The following TMEM184B variants were observed in gnomAD, a reference collection of about 807,000 sequenced individuals.
TMEM184B encodes transmembrane protein 184B.
Under a neutral mutation model 41.8 loss-of-function variants are expected in TMEM184B, and 17 were observed. The ratio of observed to expected loss-of-function variants is 0.41; its 90% CI spans 0.28 to 0.61. The LOEUF (loss-of-function observed/expected upper bound fraction) is 0.61, where lower values mean the gene tolerates loss of function less well. TMEM184B is among the 20% of genes least tolerant of loss of function. The pLI is 0.34. For synonymous variants in TMEM184B, 240 were observed against 229.5 expected, an observed-to-expected ratio of 1.05 and a Z score of -0.41; for missense variants, 393 against 557.8, an observed-to-expected ratio of 0.70 and a Z score of 2.98.
At chr22:38,250,222 C>T (rs1249121716) in intron 1 of TMEM184B, among the ~76,000 whole-genome samples, 9 of 152,378 alleles carry the variant, frequency 5.9e-5, no homozygotes, top group South Asian at 2.1e-4. Flanking sequence ...ATCCTGCGCC[C>T]GCTGTCTGTC....
intron 1 of TMEM184B, among the ~76,000 whole-genome samples, chr22:38,261,651 G>A (rs941291339): frequency 1.3e-5 from 2 of 152,142 alleles, no homozygotes; most frequent in African/African-American, 2.4e-5. Context: ...ATGGACCAAC[G>A]CTCAGCCTCT....
At chr22:38,252,938 C>A (rs1357852189) in intron 1 of TMEM184B, among the ~76,000 whole-genome samples, 2 of 151,458 alleles carry the variant, frequency 1.3e-5, no homozygotes, top group Non-Finnish European at 2.9e-5. Flanking sequence ...GTCAGGAGAT[C>A]GAGACCAACC....
At position 38,240,732 on chromosome 22, in the gene TMEM184B, C is replaced by CAAAA. The variant is rs550793359; in HGVS notation, c.358+5199_358+5202dup. On this transcript the variant is annotated intron_variant, in intron 3 of 8. Coordinates refer to ENST00000361906, the MANE Select transcript of TMEM184B (RefSeq NM_012264.5). ...AAGAGGAGAGGGGGGGAAAAAAAGG[C>CAAAA]AAAAAAAAAAAAAAAAAAAAAAAGC... is the stretch of plus-strand genomic sequence containing the variant. Among the ~76,000 whole-genome samples the CAAAA allele has an allele frequency of 2.0e-3, 133 of 66,554 alleles. 1 individual carries two copies. Among genetic ancestry groups the CAAAA allele is most frequent in the African/African-American group, 7.3e-3 (119 of 16,408 alleles). The allele number at this position is 66,554 out of a possible 152,430, so 43.7% of individuals were successfully genotyped here. A position where few individuals can be genotyped will look rare whatever the true frequency, so the allele number is the denominator to read the frequency against.
At chr22:38,221,769 G>A in intron 8 of TMEM184B, 59 bp from the exon 9 acceptor site, 3 of 1,589,756 alleles carry the variant, frequency 1.9e-6, no homozygotes, top group Non-Finnish European at 2.6e-6. Flanking sequence ...GAGGGAGGTG[G>A]CTCAGCCCCT....
intron 1 of TMEM184B, among the ~76,000 whole-genome samples, chr22:38,255,377 T>C (rs1198022200): frequency 2.6e-5 from 4 of 152,096 alleles, no homozygotes; most frequent in Admixed American, 2.6e-4. Context: ...TTTCACCATA[T>C]TGGCCAGGCT....
chr22:38,227,498 C>T (rs2091480388), intron 5 of TMEM184B, among the ~76,000 whole-genome samples: 1 of 152,138 alleles, frequency 6.6e-6, no homozygotes, highest in African/African-American at 2.4e-5. Context: ...GGCCTCCTCC[C>T]ATCCTCCATG....
chr22:38,223,948 C>T (rs1313297160), intron 8 of TMEM184B: 2 of 152,232 alleles, frequency 1.3e-5, no homozygotes, highest in Non-Finnish European at 2.9e-5. Flanking sequence ...GCGGGATCTC[C>T]GAGGGTGGGG....
intron 1 of TMEM184B, among the ~76,000 whole-genome samples, chr22:38,255,506 T>C (rs1602471923): frequency 6.6e-6 from 1 of 152,242 alleles, no homozygotes. Context: ...ATGCATTTAC[T>C]ACACAACCCA....
At chr22:38,262,169 C>A (rs1044103281) in intron 1 of TMEM184B, among the ~76,000 whole-genome samples, 1 of 152,252 alleles carries the variant, frequency 6.6e-6, no homozygotes, top group Non-Finnish European at 1.5e-5. Flanking sequence ...CCGTTCTGTA[C>A]ACTCTGTGTG....
chr22:38,216,981 G>C (rs148696672), downstream of TMEM184B, among the ~76,000 whole-genome samples: 5,741 of 152,012 alleles, frequency 0.038, 264 homozygotes, highest in East Asian at 0.15. Context: ...CCAGGAGTTT[G>C]AGACCAGGCT....
rs181738377 is a variant in TMEM184B at position 38,259,878 on chromosome 22, C to G, written c.-58-11859G>C. On this transcript the variant is annotated intron_variant, in intron 1 of 8. Coordinates refer to ENST00000361906, the MANE Select transcript of TMEM184B (RefSeq NM_012264.5). ...GCAACCTCTGCCTCCTGGGTTCAAGCAATTCTCCCACCTCAGCCTCCAGAG... is the reference window on the plus strand; with the variant it reads ...GCAACCTCTGCCTCCTGGGTTCAAGGAATTCTCCCACCTCAGCCTCCAGAG... Among the ~76,000 whole-genome samples, 16 of 150,638 alleles carry G rather than the reference C, an allele frequency of 1.1e-4. No individual in the cohort carries two copies. In the East Asian group the frequency reaches 2.9e-3, roughly 27 times the overall value.
rs748878115 is a variant in TMEM184B, at chr22:38,246,049, C to T, written c.244G>A (p.Val82Met). 3.1e-6 allele frequency: 5 copies of T among 1,613,326 alleles called. No individual in the cohort carries two copies. Among genetic ancestry groups the T allele is most frequent in the South Asian group, 1.1e-5 (1 of 91,084 alleles). Residue 82 changes from valine to methionine, a missense_variant, in exon 3 of 9, where the codon GTG (valine) becomes ATG (methionine). Around this residue, in one of 2 missense-constraint regions of TMEM184B, gnomAD observed 122 missense variants for 123.7 expected, o/e 0.99. Transcript: ENST00000361906. Reference sequence around the variant, plus strand: ...ATGGGCACGATGAAGAGGATGCGCACGATGTAGCGCTGCTCGTTGGGGCAG... The same window carrying T: ...ATGGGCACGATGAAGAGGATGCGCATGATGTAGCGCTGCTCGTTGGGGCAG... ...YSCPNEQRYI[V>M]RILFIVPIYA...
At chr22:38,248,074 GA>G in intron 1 of TMEM184B, 55 bp from the exon 2 acceptor site, 1 of 1,462,272 alleles carries the variant, frequency 6.8e-7, no homozygotes, top group Non-Finnish European at 9.0e-7. Context: ...GGCAGCATTG[GA>G]AAGAATCTTC....
chr22:38,263,192 C>T (rs369291614), intron 1 of TMEM184B, among the ~76,000 whole-genome samples: 1 of 152,148 alleles, frequency 6.6e-6, no homozygotes, highest in East Asian at 1.9e-4. Flanking sequence ...CGTGAGCCAC[C>T]GCACCTGGCC....
chr22:38,269,879 G>A (rs1033272943), intron 1 of TMEM184B, among the ~76,000 whole-genome samples: 1 of 152,114 alleles, frequency 6.6e-6, no homozygotes, highest in Non-Finnish European at 1.5e-5. Context: ...GCGATGCCAG[G>A]GGCTGTAGGA....
downstream of TMEM184B, among the ~76,000 whole-genome samples, chr22:38,216,880 C>CA (rs1223693411): frequency 2.6e-5 from 4 of 151,702 alleles, no homozygotes; most frequent in Admixed American, 6.6e-5. Context: ...CCCATCTCTA[C>CA]AAAAAATAAA....
At chr22:38,254,464 G>A (rs2092238472) in intron 1 of TMEM184B, among the ~76,000 whole-genome samples, 1 of 152,064 alleles carries the variant, frequency 6.6e-6, no homozygotes, top group Non-Finnish European at 1.5e-5. Context: ...GCCGGGTATG[G>A]TGGTACATGT....
chr22:38,268,154 G>A (rs796964143), intron 1 of TMEM184B, among the ~76,000 whole-genome samples: 18 of 152,250 alleles, frequency 1.2e-4, no homozygotes, highest in South Asian at 4.2e-4. Flanking sequence ...AGGCCAAGGC[G>A]GGCAGATCAC....
In TMEM184B at chr22:38,220,122, G is replaced by A. The variant is rs2091218952; in HGVS notation, c.*1347C>T. 1 of 985,324 alleles carries A rather than the reference G, an allele frequency of 1.0e-6. No homozygotes were observed. The highest frequency in any genetic ancestry group is 4.7e-5 in the South Asian group (1 of 21,290). The allele number at this position is 985,324 out of a possible 1,614,324, so 61.0% of individuals were successfully genotyped here. A position where few individuals can be genotyped will look rare whatever the true frequency, so the allele number is the denominator to read the frequency against. On this transcript the variant is annotated 3_prime_UTR_variant, in exon 9 of 9. Transcript: ENST00000361906. Reference sequence around the variant, plus strand: ...AATGCCAGGACACTTTGCCTGTAGGGACACGTGTTGTGACACGAGGCTCTT... The same window carrying A: ...AATGCCAGGACACTTTGCCTGTAGGAACACGTGTTGTGACACGAGGCTCTT...
Sources: gnomAD v4.1 joint callset for allele counts (sites outside exome capture counted in the v4.1 genomes callset) on GRCh38, gnomAD v4.1.1 for gene constraint, gnomAD v4.1.1 regional missense constraint, MANE v1.5 for transcripts, NCBI Gene and HGNC (gene_info 2026-07-23, HGNC 2026-07-21) for gene names.